TENM3: variants seen among roughly 807,000 people sequenced by gnomAD.
The protein encoded by TENM3 is teneurin-3.
A neutral mutation model predicts 255.1 loss-of-function variants in TENM3; 63 were observed. The ratio of observed to expected loss-of-function variants is 0.25; its 90% confidence interval spans 0.20 to 0.30. TENM3 has a LOEUF of 0.30. Among genes scored for constraint, TENM3 ranks in the 10% least tolerant of loss-of-function variants. The pLI is 1.00. For missense variants in TENM3, 2,929 were observed against 3,461.1 expected (o/e 0.85, Z 3.86); for synonymous variants, 1,306 against 1,322.3 (o/e 0.99, Z 0.27).
At chr4:182,350,682 T>C (rs1238833768) in intron 3 of TENM3, among the ~76,000 whole-genome samples, 1 of 152,168 alleles carries the variant, frequency 6.6e-6, no homozygotes, top group Non-Finnish European at 1.5e-5. Flanking sequence ...ATGTGGTTTT[T>C]GTTTTGTTTT....
intron 1 of TENM3, among the ~76,000 whole-genome samples, chr4:182,291,943 C>T (rs1761158338): frequency 6.6e-6 from 1 of 152,056 alleles, no homozygotes; most frequent in African/African-American, 2.4e-5. Context: ...ATTATTCAGC[C>T]CTAGAATGGT....
chr4:182,335,494 CAAAAAAAAAA>C (rs372965020), intron 2 of TENM3, among the ~76,000 whole-genome samples: 9 of 52,398 alleles, frequency 1.7e-4, no homozygotes, highest in East Asian at 1.1e-3. Context: ...GACTCCGCCT[CAAAAAAAAAA>C]AAAAAAAAAA....
chr4:181,808,871 A>G, the TENM3 span, among the ~76,000 whole-genome samples: 137 of 152,316 alleles, frequency 9.0e-4, no homozygotes, highest in Non-Finnish European at 1.4e-3. Flanking sequence ...ACAGGACAAT[A>G]CGTCCCATCA....
the TENM3 span, among the ~76,000 whole-genome samples, chr4:181,588,953 G>A: frequency 4.6e-5 from 7 of 152,126 alleles, no homozygotes; most frequent in Non-Finnish European, 8.8e-5. Context: ...CAGTTCTAGC[G>A]GCTATGAGAG....
intron 4 of TENM3, among the ~76,000 whole-genome samples, chr4:182,619,646 G>C (rs1341898361): frequency 2.0e-5 from 2 of 98,502 alleles, no homozygotes; most frequent in Non-Finnish European, 5.5e-5. Context: ...TTCTTGTCTT[G>C]TTGTTGTTAA....
the TENM3 span, among the ~76,000 whole-genome samples, chr4:181,787,477 A>T: frequency 6.6e-6 from 1 of 151,934 alleles, no homozygotes; most frequent in African/African-American, 2.4e-5. Context: ...AGCTGGAATT[A>T]CAGGTGCACG....
At chr4:181,725,421 T>C in the TENM3 span, among the ~76,000 whole-genome samples, 2 of 2,376 alleles carry the variant, frequency 8.4e-4, no homozygotes, top group Non-Finnish European at 2.3e-3. Flanking sequence ...TTTTTCTTTC[T>C]TTTTTTTTTT....
At chr4:182,501,172 G>C (rs958948262) in intron 3 of TENM3, among the ~76,000 whole-genome samples, 4 of 152,086 alleles carry the variant, frequency 2.6e-5, no homozygotes, top group Non-Finnish European at 5.9e-5. Flanking sequence ...TGCTTGGGTA[G>C]TAAGAGCCAA....
chr4:182,054,608 G>C, the TENM3 span, among the ~76,000 whole-genome samples: 1 of 152,012 alleles, frequency 6.6e-6, no homozygotes, highest in Non-Finnish European at 1.5e-5. Flanking sequence ...TCATTAGATT[G>C]GTTATAACAT....
the TENM3 span, among the ~76,000 whole-genome samples, chr4:181,709,038 C>T: frequency 1.3e-5 from 2 of 152,170 alleles, no homozygotes; most frequent in African/African-American, 4.8e-5. Flanking sequence ...ATAAAAACCA[C>T]TAAGTCTGTA....
the TENM3 span, among the ~76,000 whole-genome samples, chr4:181,814,899 A>G: frequency 6.6e-6 from 1 of 152,160 alleles, no homozygotes; most frequent in Non-Finnish European, 1.5e-5. Flanking sequence ...AAGTTCAAAT[A>G]ATACGAACCT....
At chr4:182,120,823 G>A in the TENM3 span, among the ~76,000 whole-genome samples, 1 of 152,080 alleles carries the variant, frequency 6.6e-6, no homozygotes, top group Admixed American at 6.5e-5. Flanking sequence ...TTCCTGAGGT[G>A]TTATAAAAAT....
chr4:182,048,272 T>C, the TENM3 span, among the ~76,000 whole-genome samples: 2 of 152,330 alleles, frequency 1.3e-5, no homozygotes, highest in East Asian at 1.9e-4. Context: ...AAGAGTATAT[T>C]TTATTTAGTA....
rs374814852 is a variant in TENM3, at chr4:182,562,825, G to A, written c.512-38099G>A. On this transcript the variant is annotated intron_variant, in intron 3 of 27. Transcript: ENST00000511685. ...CCTAATTCTCTTCTGCTCCAGTCATGCAATCACAGTCAGGTACTGTGGGGG... is the reference window on the plus strand; with the variant it reads ...CCTAATTCTCTTCTGCTCCAGTCATACAATCACAGTCAGGTACTGTGGGGG... Among the ~76,000 whole-genome samples the A allele has an allele frequency of 2.2e-4, 34 of 152,282 alleles. 1 individual carries two copies. The East Asian group carries it at 4.8e-3, about 22-fold the overall frequency.
chr4:181,738,744 G>A, the TENM3 span, among the ~76,000 whole-genome samples: 1 of 152,046 alleles, frequency 6.6e-6, no homozygotes, highest in Non-Finnish European at 1.5e-5. Context: ...TATGGAGGGG[G>A]AGGGGTTAAT....
At chr4:181,767,048 C>A in the TENM3 span, among the ~76,000 whole-genome samples, 3 of 142,290 alleles carry the variant, frequency 2.1e-5, no homozygotes, top group Admixed American at 7.2e-5. Context: ...GTCAGGAGAT[C>A]AAGACCATTC....
chr4:181,570,638 G>A, the TENM3 span, among the ~76,000 whole-genome samples: 2 of 145,174 alleles, frequency 1.4e-5, no homozygotes, highest in Admixed American at 7.0e-5. Flanking sequence ...GAAAGAAAGA[G>A]AGAGAGAGAA....
At chr4:182,016,419 TGGTATTTGTTAAGGCA>T in the TENM3 span, among the ~76,000 whole-genome samples, 3 of 152,234 alleles carry the variant, frequency 2.0e-5, no homozygotes, top group Non-Finnish European at 4.4e-5. Flanking sequence ...TTTCCTGAGA[TGGTATTTGTTAAGGCA>T]GGTTTTGCAA....
chr4:182,336,091 C>T (rs1302287080), intron 2 of TENM3, among the ~76,000 whole-genome samples: 8 of 152,172 alleles, frequency 5.3e-5, no homozygotes, highest in Non-Finnish European at 1.5e-5. Flanking sequence ...GAAGCGGCTA[C>T]TGTAGGCGGG....
Sources: gnomAD v4.1 joint callset for allele counts (sites outside exome capture counted in the v4.1 genomes callset) on GRCh38, gnomAD v4.1.1 for gene constraint, MANE v1.5 for transcripts, NCBI Gene and HGNC (gene_info 2026-07-23, HGNC 2026-07-21) for gene names.